The following BEND4 variants were observed in gnomAD, a reference collection of about 807,000 sequenced individuals.
BEND4 encodes BEN domain containing 4.
A neutral mutation model predicts 54.7 loss-of-function variants in BEND4; 27 were observed. That is an observed-to-expected ratio of 0.49 (90% CI 0.36 to 0.68). The LOEUF (loss-of-function observed/expected upper bound fraction) is 0.68, where lower values mean the gene tolerates loss of function less well. Among genes scored for constraint, BEND4 ranks in the 30% least tolerant of loss-of-function variants. The pLI is 0.00. For synonymous variants in BEND4, 327 were observed against 299.5 expected (o/e 1.09, Z -0.95); for missense variants, 702 against 697.2 (o/e 1.01, Z -0.08).
intron 3 of BEND4, among the ~76,000 whole-genome samples, chr4:42,141,233 T>C (rs1475652949): frequency 6.6e-6 from 1 of 152,156 alleles, no homozygotes; most frequent in Non-Finnish European, 1.5e-5. Context: ...CTTCCTCCCC[T>C]CCACAGGACA....
chr4:42,119,415 A>C (rs1719975344), intron 5 of BEND4, among the ~76,000 whole-genome samples: 1 of 152,180 alleles, frequency 6.6e-6, no homozygotes, highest in Admixed American at 6.5e-5. Context: ...GCACTTGCTG[A>C]ATCAACTGGA....
chr4:42,132,274 G>C (rs1203819041), intron 3 of BEND4, among the ~76,000 whole-genome samples: 1 of 152,142 alleles, frequency 6.6e-6, no homozygotes, highest in Non-Finnish European at 1.5e-5. Flanking sequence ...AGGTGTAGCT[G>C]TGTGGAGTCC....
rs1719848507 is a variant in BEND4 at position 42,116,648 on chromosome 4, T to A, written c.*870A>T. The A allele has an allele frequency of 6.6e-6, 1 of 152,214 alleles. No individual in the cohort carries two copies. Among genetic ancestry groups the A allele is most frequent in the Non-Finnish European group, 1.5e-5 (1 of 68,032 alleles). The allele number at this position is 152,214 out of a possible 1,614,324, so 9.4% of individuals were successfully genotyped here. A position where few individuals can be genotyped will look rare whatever the true frequency, so the allele number is the denominator to read the frequency against. On this transcript the variant is annotated 3_prime_UTR_variant, in exon 6 of 6. Coordinates refer to ENST00000502486, the MANE Select transcript of BEND4 (RefSeq NM_207406.4). Reference sequence around the variant, plus strand: ...CAGAACATCTAGTCAATTCAGCGAATACCATCAGTCACACCACTTGTTTGG... The same window carrying A: ...CAGAACATCTAGTCAATTCAGCGAAAACCATCAGTCACACCACTTGTTTGG...
At position 42,152,002 on chromosome 4, in the gene BEND4, C is replaced by T; in HGVS notation, c.142G>A (p.Glu48Lys). Residue 48 changes from glutamate to lysine, a missense_variant, in exon 2 of 6, where the codon GAG becomes AAG. By Grantham distance (56) the Glu-to-Lys change is moderately conservative (BLOSUM62 1). Transcript: ENST00000502486. ...GGGGGCGCCCGCACGTGCGGCAGCT[C>T]CACCAGGGTGGGTCGCTCGTAGCGC... ...AKRYERPTLV[E>K]LPHVRAPPPP... The T allele has an allele frequency of 1.6e-6, 2 of 1,254,536 alleles. No homozygotes were observed. The highest frequency in any genetic ancestry group is 2.0e-6 in the Non-Finnish European group (2 of 994,608). The allele number at this position is 1,254,536 out of a possible 1,614,324, so 77.7% of individuals were successfully genotyped here. A position where few individuals can be genotyped will look rare whatever the true frequency, so the allele number is the denominator to read the frequency against.
intron 3 of BEND4, among the ~76,000 whole-genome samples, chr4:42,134,913 G>A (rs987450319): frequency 3.9e-5 from 6 of 152,172 alleles, no homozygotes; most frequent in Non-Finnish European, 8.8e-5. Flanking sequence ...GTGTCTGGTG[G>A]GCACTGAGGG....
intron 3 of BEND4, among the ~76,000 whole-genome samples, chr4:42,143,061 TA>T (rs1720945018): frequency 6.6e-6 from 1 of 152,224 alleles, no homozygotes; most frequent in Admixed American, 6.5e-5. Context: ...GACCACCTTT[TA>T]AGAAAACAGG....
At chr4:42,149,305 T>G (rs1377782866) in intron 2 of BEND4, among the ~76,000 whole-genome samples, 1 of 150,238 alleles carries the variant, frequency 6.7e-6, no homozygotes, top group African/African-American at 2.4e-5. Flanking sequence ...TTCAGGTGGC[T>G]GTTCTCTGAT....
Position 42,117,171 on chromosome 4 carries a change from C to T in BEND4, c.*347G>A, listed in dbSNP as rs532382753. 2 of 181,676 alleles carry T rather than the reference C, an allele frequency of 1.1e-5. No homozygotes were observed. The highest frequency in any genetic ancestry group is 3.2e-4 in the South Asian group (2 of 6,182). 11.3% of individuals were successfully genotyped at this position (181,676 alleles called of 1,614,324 possible). Reference sequence around the variant, plus strand: ...CCTTCTCCCATGGGCAGAAACACTACCCCAGCCTACCTTGGGGACTATCTC... The same window carrying T: ...CCTTCTCCCATGGGCAGAAACACTATCCCAGCCTACCTTGGGGACTATCTC... On this transcript the variant is annotated 3_prime_UTR_variant, in exon 6 of 6. Transcript: ENST00000502486.
At chr4:42,148,605 T>C (rs191751439) in intron 2 of BEND4, among the ~76,000 whole-genome samples, 1 of 152,334 alleles carries the variant, frequency 6.6e-6, no homozygotes, top group Admixed American at 6.5e-5. Context: ...CTGCCACAGA[T>C]GTGTAGATTT....
At chr4:42,138,735 T>C (rs934203866) in intron 3 of BEND4, among the ~76,000 whole-genome samples, 1 of 152,132 alleles carries the variant, frequency 6.6e-6, no homozygotes, top group East Asian at 1.9e-4. Context: ...AATAAACAGA[T>C]CCTCCCTATA....
chr4:42,146,422 A>G (rs142141883), intron 2 of BEND4, among the ~76,000 whole-genome samples: 2,107 of 152,348 alleles, frequency 0.014, 21 homozygotes, highest in Non-Finnish European at 0.024. Context: ...AGCTTGATTT[A>G]TACTTTGTAA....
chr4:42,118,903 A>C (rs568654886), intron 5 of BEND4, among the ~76,000 whole-genome samples: 1 of 152,298 alleles, frequency 6.6e-6, no homozygotes, highest in South Asian at 2.1e-4. Flanking sequence ...AGACCAACTA[A>C]TAGGAGGTGT....
chr4:42,134,622 T>C (rs917830463), intron 3 of BEND4, among the ~76,000 whole-genome samples: 3 of 152,170 alleles, frequency 2.0e-5, no homozygotes, highest in African/African-American at 7.2e-5. Flanking sequence ...TATCAGGACA[T>C]CAGGAGACAC....
intron 3 of BEND4, among the ~76,000 whole-genome samples, chr4:42,137,095 G>A (rs535173758): frequency 4.9e-4 from 74 of 152,252 alleles, no homozygotes; most frequent in African/African-American, 1.7e-3. Context: ...TGGAGTCAGA[G>A]GCTTGGATTA....
chr4:42,128,496 C>T lies in BEND4; in HGVS notation c.1055-2822G>A, dbSNP rs1010108110. 6.6e-5 allele frequency among the ~76,000 whole-genome samples: 10 copies of T among 151,778 alleles called. No homozygotes were observed. The South Asian group carries it at 1.0e-3, about 16-fold the overall frequency. ...AAAATTAGCCGGGTGTGGTGGTGGG[C>T]GCCTGTAATCCCAGCTACTCAGGAG... On this transcript the variant is annotated intron_variant, in intron 3 of 5. Transcript: ENST00000502486.
In BEND4 at chr4:42,120,103, T is replaced by A. The variant is rs750089459; in HGVS notation, c.1338A>T (p.Thr446=). Residue 446 remains threonine (T), a synonymous_variant, in exon 5 of 6, where the codon ACA becomes ACT. Transcript: ENST00000502486. ...KRKRSVQSGE[T]GPERRPLDPV... Reference sequence around the variant, plus strand: ...GATCCAGAGGGCGTCTTTCGGGACCTGTCTCTCCTGACTGCACTGACCTTT... The same window carrying A: ...GATCCAGAGGGCGTCTTTCGGGACCAGTCTCTCCTGACTGCACTGACCTTT... 17 of 1,613,892 alleles carry A rather than the reference T, an allele frequency of 1.1e-5. No homozygotes were observed. The highest frequency in any genetic ancestry group is 1.7e-6 in the Non-Finnish European group (2 of 1,179,890).
In BEND4 at chr4:42,121,790, G is replaced by A. The variant is rs1026214377; in HGVS notation, c.1147-1496C>T. 4.6e-5 allele frequency among the ~76,000 whole-genome samples: 7 copies of A among 152,282 alleles called. No individual in the cohort carries two copies. In the East Asian group the frequency reaches 7.7e-4, roughly 17 times the overall value. ...GAGAGAGGTGGGAGTGAAAGCTGTC[G>A]AACTGAGAGGGCTAGGCAACCAATT... is the stretch of plus-strand genomic sequence containing the variant. On this transcript the variant is annotated intron_variant, in intron 4 of 5. Transcript: ENST00000502486.
chr4:42,148,206 T>C (rs918731574), intron 2 of BEND4, among the ~76,000 whole-genome samples: 2 of 152,202 alleles, frequency 1.3e-5, no homozygotes, highest in African/African-American at 4.8e-5. Flanking sequence ...CAAAGCATCT[T>C]TGGAAGCACC....
intron 4 of BEND4, among the ~76,000 whole-genome samples, chr4:42,124,292 G>T (rs1442577741): frequency 2.6e-5 from 4 of 152,210 alleles, no homozygotes; most frequent in South Asian, 2.1e-4. Context: ...GGTCGAAGAT[G>T]CAGTGAGCCA....
Sources: allele counts gnomAD v4.1 joint callset (sites outside exome capture counted in the v4.1 genomes callset), GRCh38; gene constraint gnomAD v4.1.1; transcripts MANE v1.5; gene names NCBI Gene and HGNC (gene_info 2026-07-23, HGNC 2026-07-21).